The following TMEM177 variants were observed in gnomAD, a reference collection of about 807,000 sequenced individuals.
TMEM177 encodes transmembrane protein 177.
A neutral mutation model predicts 14.2 loss-of-function variants in TMEM177; 4 were observed. The ratio of observed to expected loss-of-function variants is 0.28; its 90% confidence interval spans 0.14 to 0.64. The LOEUF (loss-of-function observed/expected upper bound fraction) is 0.64. TMEM177 is among the 30% of genes least tolerant of loss of function. The pLI is 0.82. For synonymous variants in TMEM177, 179 were observed against 174.5 expected, an observed-to-expected ratio of 1.03 and a Z score of -0.20; for missense variants, 344 against 405.2, an observed-to-expected ratio of 0.85 and a Z score of 1.30.
chr2:119,682,058 G>A lies in TMEM177; in HGVS notation c.*269G>A, dbSNP rs1688922142. On this transcript the variant is annotated 3_prime_UTR_variant, in exon 2 of 2. Coordinates refer to ENST00000272521, the MANE Select transcript of TMEM177 (RefSeq NM_030577.3). ...CTTGCAAGATTGTAGAGTTGGGTAA[G>A]GTCATGAACATAAGGGCCTGGCACA... The A allele has an allele frequency of 2.3e-6, 1 of 428,230 alleles. No homozygotes were observed. Among genetic ancestry groups the A allele is most frequent in the African/African-American group, 2.0e-5 (1 of 50,418 alleles). 26.5% of individuals were successfully genotyped at this position (428,230 alleles called of 1,614,324 possible).
chr2:119,722,377 G>A, the TMEM177 span, among the ~76,000 whole-genome samples: 5 of 101,400 alleles, frequency 4.9e-5, no homozygotes, highest in Non-Finnish European at 8.6e-5. Context: ...GCAAGATCCT[G>A]TTTCTAAAAA....
At chr2:119,703,947 G>A in the TMEM177 span, among the ~76,000 whole-genome samples, 1 of 152,134 alleles carries the variant, frequency 6.6e-6, no homozygotes, top group Non-Finnish European at 1.5e-5. Flanking sequence ...TTACTAAATA[G>A]CCCTTCATCT....
chr2:119,707,904 G>A, the TMEM177 span, among the ~76,000 whole-genome samples: 1 of 152,188 alleles, frequency 6.6e-6, no homozygotes, highest in Non-Finnish European at 1.5e-5. Flanking sequence ...GACAAGCCAA[G>A]GTTTTCCCTC....
downstream of TMEM177, among the ~76,000 whole-genome samples, chr2:119,683,236 A>G (rs1013533185): frequency 3.9e-5 from 6 of 152,136 alleles, no homozygotes; most frequent in African/African-American, 7.2e-5. Flanking sequence ...CTCACACTGG[A>G]CCTGAACAGG....
chr2:119,681,489 C>A lies in TMEM177; in HGVS notation c.636C>A (p.Gly212=), dbSNP rs377140198. 9.9e-6 allele frequency: 16 copies of A among 1,613,330 alleles called. No individual in the cohort carries two copies. The African/African-American group carries it at 2.0e-4, about 20-fold the overall frequency. ...AAFSLVAAVA[G]FVAYAFSQDS... Reference sequence around the variant, plus strand: ...TCAGCTTGGTGGCAGCAGTGGCAGGCTTTGTGGCCTACGCCTTCTCCCAGG... The same window carrying A: ...TCAGCTTGGTGGCAGCAGTGGCAGGATTTGTGGCCTACGCCTTCTCCCAGG... Residue 212 remains glycine (G), a synonymous_variant, in exon 2 of 2, where the codon GGC becomes GGA. Transcript: ENST00000272521.
At chr2:119,699,356 C>T in the TMEM177 span, among the ~76,000 whole-genome samples, 4,193 of 152,270 alleles carry the variant, frequency 0.028, 59 homozygotes, top group Non-Finnish European at 0.032. Flanking sequence ...AAGCACGGCA[C>T]GGGGGAACCG....
At chr2:119,712,375 C>T in the TMEM177 span, among the ~76,000 whole-genome samples, 2 of 152,046 alleles carry the variant, frequency 1.3e-5, no homozygotes, top group South Asian at 4.1e-4. Context: ...AGCCTGAACC[C>T]CCAGTATCTC....
At chr2:119,700,753 A>G in the TMEM177 span, among the ~76,000 whole-genome samples, 4 of 152,298 alleles carry the variant, frequency 2.6e-5, no homozygotes, top group Non-Finnish European at 5.9e-5. Flanking sequence ...CTCCTAGGCA[A>G]GTGTCACTTC....
the TMEM177 span, among the ~76,000 whole-genome samples, chr2:119,691,800 G>T: frequency 2.0e-5 from 3 of 152,216 alleles, no homozygotes; most frequent in Admixed American, 6.5e-5. Context: ...GCAGACCCCA[G>T]TCTTGTCCCC....
chr2:119,680,371 G>C (rs1688861909), intron 1 of TMEM177, among the ~76,000 whole-genome samples: 1 of 152,108 alleles, frequency 6.6e-6, no homozygotes, highest in Non-Finnish European at 1.5e-5. Context: ...GGGTTCAATC[G>C]GTAAGAGTGC....
In TMEM177 at chr2:119,681,179, G is replaced by A. The variant is rs1387832190; in HGVS notation, c.326G>A (p.Ser109Asn). ...GGGGCTGTGGTGGGCATCCCTGCCA[G>A]TTTCTTGGGAGACCTAGTGATCAAC... is the stretch of plus-strand genomic sequence containing the variant. ...PAGAVVGIPA[S>N]FLGDLVINTN... Residue 109 changes from serine (S) to asparagine (N), a missense_variant, in exon 2 of 2, where the codon AGT becomes AAT. Transcript: ENST00000272521. The A allele has an allele frequency of 1.2e-6, 2 of 1,614,134 alleles. No individual in the cohort carries two copies. The highest frequency in any genetic ancestry group is 2.7e-5 in the African/African-American group (2 of 74,948).
At chr2:119,717,605 CTTTTTTTTT>C in the TMEM177 span, among the ~76,000 whole-genome samples, 1 of 88,446 alleles carries the variant, frequency 1.1e-5, no homozygotes, top group Admixed American at 1.4e-4. Context: ...TGACTTGAGT[CTTTTTTTTT>C]TTTTTTTTTT....
chr2:119,705,249 C>T, the TMEM177 span, among the ~76,000 whole-genome samples: 1 of 152,192 alleles, frequency 6.6e-6, no homozygotes, highest in Non-Finnish European at 1.5e-5. Flanking sequence ...TTTATTATCT[C>T]ACAGTTCCTG....
At chr2:119,688,618 C>T (rs905087713), downstream of TMEM177, among the ~76,000 whole-genome samples, 8 of 152,218 alleles carry the variant, frequency 5.3e-5, no homozygotes, top group Admixed American at 3.9e-4. Flanking sequence ...TCATGGGACA[C>T]TGTCATATAC....
downstream of TMEM177, among the ~76,000 whole-genome samples, chr2:119,682,302 G>T (rs149729642): frequency 6.6e-6 from 1 of 152,248 alleles, no homozygotes; most frequent in East Asian, 1.9e-4. Flanking sequence ...TTGGTCTTGA[G>T]TGCCACCAGG....
At chr2:119,721,167 C>G in the TMEM177 span, among the ~76,000 whole-genome samples, 1 of 152,186 alleles carries the variant, frequency 6.6e-6, no homozygotes, top group African/African-American at 2.4e-5. Context: ...AAAGACCAAC[C>G]ACGTAATTAG....
the TMEM177 span, among the ~76,000 whole-genome samples, chr2:119,707,207 T>C: frequency 6.6e-6 from 1 of 152,162 alleles, no homozygotes; most frequent in African/African-American, 2.4e-5. Context: ...GCCTTTTTAT[T>C]CTGGAAGGAT....
the TMEM177 span, among the ~76,000 whole-genome samples, chr2:119,702,165 G>A: frequency 6.6e-6 from 1 of 152,240 alleles, no homozygotes; most frequent in African/African-American, 2.4e-5. Context: ...GCCAAACCAT[G>A]AACTGAATTC....
the TMEM177 span, among the ~76,000 whole-genome samples, chr2:119,717,481 G>A: frequency 3.3e-5 from 5 of 152,232 alleles, no homozygotes; most frequent in South Asian, 1.0e-3. Flanking sequence ...TGTAGATGTG[G>A]GTTACCCAGG....
Sources: allele counts gnomAD v4.1 joint callset (sites outside exome capture counted in the v4.1 genomes callset), GRCh38; gene constraint gnomAD v4.1.1; transcripts MANE v1.5; gene names NCBI Gene and HGNC (gene_info 2026-07-23, HGNC 2026-07-21).